Variants in DDX47 observed in about 807,000 individuals in gnomAD.
DDX47 encodes the protein DEAD-box helicase 47, also known as probable ATP-dependent RNA helicase DDX47.
In DDX47, 60 loss-of-function variants were observed where a neutral mutation model predicts 58.8. That is an observed-to-expected ratio of 1.02 (90% confidence interval 0.83 to 1.26). The LOEUF is 1.26. Ranked by LOEUF, DDX47 falls within the 50% of genes most tolerant of loss-of-function variation. The pLI is 0.00. For synonymous variants in DDX47, 197 were observed against 204.6 expected (o/e 0.96, Z 0.32); for missense variants, 530 against 573.2 (o/e 0.92, Z 0.77).
chr12:12,827,402 G>A lies in DDX47; in HGVS notation c.1236+27G>A, dbSNP rs746739444. 19 of 1,612,670 alleles carry A rather than the reference G, an allele frequency of 1.2e-5. No homozygotes were observed. The South Asian group carries it at 2.1e-4, about 18-fold the overall frequency. On this transcript the variant is annotated intron_variant, in intron 11 of 11. Coordinates refer to ENST00000358007, the MANE Select transcript of DDX47 (RefSeq NM_016355.4). ...TATGCATCTTTCTTTTCTCACCAGTGTCTGTGCAAACAATGTTAACTGTGT... is the reference window on the plus strand; with the variant it reads ...TATGCATCTTTCTTTTCTCACCAGTATCTGTGCAAACAATGTTAACTGTGT...
Position 12,823,284 on chromosome 12 carries a change from C to G in DDX47, c.715C>G (p.Gln239Glu). 6.2e-7 allele frequency: 1 copy of G among 1,604,704 alleles called. No homozygotes were observed. The highest frequency in any genetic ancestry group is 8.5e-7 in the Non-Finnish European group (1 of 1,171,426). The part of the protein sequence containing the change: ...SSKYQTVEKL[Q>E]QYYIFIPSKF... The stretch of plus-strand genomic sequence containing the variant: ...TAAATACCAGACAGTTGAAAAATTA[C>G]AGCAATATTATATTTTTATTCCCTC... Residue 239 changes from glutamine to glutamate, a missense_variant, in exon 7 of 12, where the codon CAG becomes GAG. Gln to Glu is a conservative substitution (Grantham distance 29). Transcript: ENST00000358007.
In DDX47 at chr12:12,829,668, C is replaced by A; in HGVS notation, c.*114C>A. On this transcript the variant is annotated 3_prime_UTR_variant, in exon 12 of 12. Transcript: ENST00000358007. The stretch of plus-strand genomic sequence containing the variant: ...TGGTCAGAATTGTGTCCAGAATGTG[C>A]TCAGCTAATTCAGTATTCTTCCCCA... The A allele has an allele frequency of 7.5e-7, 1 of 1,332,026 alleles. No individual in the cohort carries two copies. The allele number at this position is 1,332,026 out of a possible 1,614,324, so 82.5% of individuals were successfully genotyped here. A position where few individuals can be genotyped will look rare whatever the true frequency, so the allele number is the denominator to read the frequency against.
intron 2 of DDX47, among the ~76,000 whole-genome samples, chr12:12,819,059 G>T (rs940009264): frequency 6.6e-6 from 1 of 152,164 alleles, no homozygotes; most frequent in South Asian, 2.1e-4. Flanking sequence ...TGTTTAAGAG[G>T]TGGATCTTAC....
At position 12,829,608 on chromosome 12, in the gene DDX47, G is replaced by A; in HGVS notation, c.*54G>A. 1 of 1,591,976 alleles carries A rather than the reference G, an allele frequency of 6.3e-7. No individual in the cohort carries two copies. Among genetic ancestry groups the A allele is most frequent in the South Asian group, 1.1e-5 (1 of 87,336 alleles). ...GTTCTGTAAAAGAGAATTGGAGAATGAAACCTGCTCCAACAGAGATCATGA... is the reference window on the plus strand; with the variant it reads ...GTTCTGTAAAAGAGAATTGGAGAATAAAACCTGCTCCAACAGAGATCATGA... On this transcript the variant is annotated 3_prime_UTR_variant, in exon 12 of 12. Transcript: ENST00000358007.
Position 12,825,991 on chromosome 12 carries a change from T to A in DDX47, c.1036-9T>A, listed in dbSNP as rs757266709. 7 of 1,604,218 alleles carry A rather than the reference T, an allele frequency of 4.4e-6. No individual in the cohort carries two copies. Among genetic ancestry groups the A allele is most frequent in the Non-Finnish European group, 6.0e-6 (7 of 1,175,182 alleles). The stretch of plus-strand genomic sequence containing the variant: ...TATAACTTGAATTTATTTACCCTTT[T>A]TGTTTTAGGATTACATCCATCGAGT... On this transcript the variant is annotated splice_polypyrimidine_tract_variant and intron_variant, in intron 9 of 11. Transcript: ENST00000358007.
Position 12,824,611 on chromosome 12 carries a change from C to A in DDX47, c.969C>A (p.Ala323=). The change falls in exon 9 of 12, where the codon GCC becomes GCA. Residue 323 remains alanine (A), a synonymous_variant. Transcript: ENST00000358007. Reference sequence around the variant, plus strand: ...CCATTCTTCTAGCAACTGACGTTGCCAGCCGAGGTTTGGACATACCTCATG... The same window carrying A: ...CCATTCTTCTAGCAACTGACGTTGCAAGCCGAGGTTTGGACATACCTCATG... The part of the protein sequence containing the change: ...ARSILLATDV[A]SRGLDIPHVD... 6.2e-7 allele frequency: 1 copy of A among 1,614,150 alleles called. No individual in the cohort carries two copies. Among genetic ancestry groups the A allele is most frequent in the Non-Finnish European group, 8.5e-7 (1 of 1,179,986 alleles).
rs763236842 is a variant in DDX47 at position 12,821,711 on chromosome 12, C to A, written c.427C>A (p.Pro143Thr). 1.2e-6 allele frequency: 2 copies of A among 1,612,004 alleles called. No homozygotes were observed. Among genetic ancestry groups the A allele is most frequent in the African/African-American group, 1.3e-5 (1 of 74,948 alleles). ...TCAATCTTTGGCCCTTGCAAAAAAA[C>A]CACATATAATAATAGGTGAGTAACT... Reference protein sequence around the residue: ...MSQSLALAKKPHIIIATPGRL... With the variant: ...MSQSLALAKKTHIIIATPGRL... The change falls in exon 4 of 12, where the codon CCA (proline) becomes ACA (threonine). Residue 143 changes from proline to threonine, a missense_variant. Physicochemically the swap from Pro to Thr is conservative, Grantham distance 38. Transcript: ENST00000358007.
rs755203320 is a variant in DDX47, at chr12:12,822,643, T to A, written c.562-18T>A. On this transcript the variant is annotated intron_variant, in intron 5 of 11. Transcript: ENST00000358007. ...AGTCTGAATATCATATTGGCATCTT[T>A]TCCTCTTTGTGCTTTAGGTTGACAA... is the stretch of plus-strand genomic sequence containing the variant. 6.2e-7 allele frequency: 1 copy of A among 1,611,260 alleles called. No homozygotes were observed.
chr12:12,829,545 A>C lies in DDX47; in HGVS notation c.1359A>C (p.Lys453Asn). ...KVAGGKMKKR[K>N]GR Reference sequence around the variant, plus strand: ...CTGGAGGAAAAATGAAGAAGCGGAAAGGCCGTTAATCACTTTTATGAAGGC... The same window carrying C: ...CTGGAGGAAAAATGAAGAAGCGGAACGGCCGTTAATCACTTTTATGAAGGC... Residue 453 changes from lysine to asparagine, a missense_variant, in exon 12 of 12, where the codon AAA (lysine) becomes AAC (asparagine). Transcript: ENST00000358007. 6.2e-7 allele frequency: 1 copy of C among 1,613,688 alleles called. No homozygotes were observed. The highest frequency in any genetic ancestry group is 8.5e-7 in the Non-Finnish European group (1 of 1,179,856).
chr12:12,815,409 C>G (rs962002543), intron 2 of DDX47, among the ~76,000 whole-genome samples: 1 of 152,088 alleles, frequency 6.6e-6, no homozygotes, highest in Non-Finnish European at 1.5e-5. Flanking sequence ...AACAGTCTGT[C>G]CTCTCCAAGA....
At chr12:12,817,006 GA>G (rs1323141422) in intron 2 of DDX47, among the ~76,000 whole-genome samples, 1 of 152,146 alleles carries the variant, frequency 6.6e-6, no homozygotes, top group Non-Finnish European at 1.5e-5. Flanking sequence ...TGACAGAAAT[GA>G]TCACCATAGA....
At chr12:12,824,840 C>A in intron 9 of DDX47, 163 bp downstream of exon 9, 1 of 663,384 alleles carries the variant, frequency 1.5e-6, no homozygotes. Context: ...TTGCACAGGC[C>A]TGTGTATGTA....
At chr12:12,824,485 T>C (rs562084101) in intron 8 of DDX47, 55 bp from the exon 9 acceptor site, 1 of 1,572,690 alleles carries the variant, frequency 6.4e-7, no homozygotes, top group African/African-American at 1.4e-5. Context: ...TATTTTGTGT[T>C]TTGTATTCCA....
At chr12:12,823,512 A>G (rs917399029) in intron 7 of DDX47, 193 bp downstream of exon 7, 2 of 588,556 alleles carry the variant, frequency 3.4e-6, no homozygotes, top group Non-Finnish European at 6.1e-6. Context: ...ACATTAAATC[A>G]CAATACTGAG....
intron 11 of DDX47, 145 bp downstream of exon 11, chr12:12,827,520 G>C: frequency 1.0e-6 from 1 of 986,132 alleles, no homozygotes; most frequent in South Asian, 1.6e-5. Flanking sequence ...GTGCAGAGAT[G>C]GTAGGTAATT....
intron 2 of DDX47, chr12:12,814,787 C>T (rs1307164663): frequency 2.6e-5 from 4 of 152,354 alleles, no homozygotes; most frequent in African/African-American, 9.7e-5. Flanking sequence ...GTTCAAGCAA[C>T]TCTCCCGCCT....
At chr12:12,815,661 C>T (rs1218468627) in intron 2 of DDX47, among the ~76,000 whole-genome samples, 8 of 151,804 alleles carry the variant, frequency 5.3e-5, no homozygotes, top group Admixed American at 5.2e-4. Flanking sequence ...ACTTTCTAGG[C>T]ATAGGGAACA....
At chr12:12,823,399 A>G (rs950972331) in intron 7 of DDX47, 80 bp downstream of exon 7, 11 of 889,440 alleles carry the variant, frequency 1.2e-5, no homozygotes, top group Admixed American at 1.2e-4. Context: ...ACTCTTGATT[A>G]GGTAAGAGCT....
chr12:12,824,612 A>G lies in DDX47; in HGVS notation c.970A>G (p.Ser324Gly), dbSNP rs778178055. ...RSILLATDVA[S>G]RGLDIPHVDV... is the part of the protein sequence containing the mutation. ...CATTCTTCTAGCAACTGACGTTGCC[A>G]GCCGAGGTTTGGACATACCTCATGT... Residue 324 changes from serine to glycine, a missense_variant, in exon 9 of 12, where the codon AGC becomes GGC. By Grantham distance (56) the Ser-to-Gly change is moderately conservative. Coordinates refer to ENST00000358007, the MANE Select transcript of DDX47 (RefSeq NM_016355.4). 4 of 1,614,116 alleles carry G rather than the reference A, an allele frequency of 2.5e-6. No individual in the cohort carries two copies. Among genetic ancestry groups the G allele is most frequent in the Non-Finnish European group, 3.4e-6 (4 of 1,180,046 alleles).
Sources: allele counts gnomAD v4.1 joint callset (sites outside exome capture counted in the v4.1 genomes callset), GRCh38; gene constraint gnomAD v4.1.1; transcripts MANE v1.5; gene names NCBI Gene and HGNC (gene_info 2026-07-23, HGNC 2026-07-21).